The following ZFHX3 variants were observed in gnomAD, a reference collection of about 807,000 sequenced individuals.
The protein encoded by ZFHX3 is zinc finger homeobox protein 3.
A neutral mutation model predicts 279.1 loss-of-function variants in ZFHX3; 42 were observed. That is an observed-to-expected ratio of 0.15 (90% CI 0.12 to 0.19). The LOEUF is 0.19. Ranked by LOEUF, ZFHX3 falls within the 10% of genes least tolerant of loss-of-function variation. The pLI, the probability that ZFHX3 is intolerant of heterozygous loss-of-function variation, is 1.00. For missense variants in ZFHX3, 4,981 were observed against 4,754.0 expected (o/e 1.05, Z -1.40); for synonymous variants, 2,293 against 1,957.8 (o/e 1.17, Z -4.52).
At chr16:73,715,459 C>T (rs918794420) in intron 1 of ZFHX3, among the ~76,000 whole-genome samples, 19 of 151,610 alleles carry the variant, frequency 1.3e-4, no homozygotes, top group Admixed American at 3.9e-4. Flanking sequence ...AACTTCCTCA[C>T]AACCTGTGAG....
chr16:73,199,578 C>T (rs550181252), intron 5 of ZFHX3, among the ~76,000 whole-genome samples: 13 of 152,340 alleles, frequency 8.5e-5, no homozygotes, highest in South Asian at 2.1e-4. Context: ...GATTTTTCAA[C>T]GCCTCTCTGC....
intron 2 of ZFHX3, among the ~76,000 whole-genome samples, chr16:73,484,934 T>C (rs1188198810): frequency 1.3e-5 from 2 of 151,740 alleles, no homozygotes; most frequent in Admixed American, 1.3e-4. Context: ...TACTACCACA[T>C]ACTCGCCTTT....
chr16:73,508,144 A>C (rs2019360371), intron 2 of ZFHX3, among the ~76,000 whole-genome samples: 2 of 152,164 alleles, frequency 1.3e-5, no homozygotes, highest in South Asian at 4.1e-4. Flanking sequence ...AGGTTAGTGA[A>C]TTTGTTCTGC....
chr16:73,122,389 T>C (rs1205387387), intron 7 of ZFHX3, among the ~76,000 whole-genome samples: 1 of 151,366 alleles, frequency 6.6e-6, no homozygotes, highest in Non-Finnish European at 1.5e-5. Flanking sequence ...TTTTTTTTAG[T>C]AGAGACAGGG....
chr16:73,072,844 C>G (rs1965841698), intron 8 of ZFHX3, among the ~76,000 whole-genome samples: 1 of 151,862 alleles, frequency 6.6e-6, no homozygotes, highest in Non-Finnish European at 1.5e-5. Flanking sequence ...GCTGGGATTA[C>G]CGGCATGAGC....
chr16:73,887,848 A>G (rs1199784591), intron 1 of ZFHX3, among the ~76,000 whole-genome samples: 3 of 151,984 alleles, frequency 2.0e-5, no homozygotes, highest in Non-Finnish European at 4.4e-5. Context: ...AACACTTAAA[A>G]TCTGAATTTT....
intron 8 of ZFHX3, among the ~76,000 whole-genome samples, chr16:73,082,470 C>T (rs1320804485): frequency 1.3e-5 from 2 of 151,890 alleles, no homozygotes; most frequent in Non-Finnish European, 2.9e-5. Context: ...GGGGTTTCAC[C>T]GTGTTAGCCA....
intron 7 of ZFHX3, among the ~76,000 whole-genome samples, chr16:73,103,382 C>A (rs567601028): frequency 6.6e-6 from 1 of 152,140 alleles, no homozygotes; most frequent in Non-Finnish European, 1.5e-5. Context: ...CTTCCTTCAA[C>A]AAGTCCTGTG....
intron 8 of ZFHX3, among the ~76,000 whole-genome samples, chr16:73,090,103 T>C (rs1250234593): frequency 2.6e-5 from 4 of 152,148 alleles, no homozygotes; most frequent in Non-Finnish European, 4.4e-5. Context: ...ATTTAAACTA[T>C]ATCTGTGGGG....
chr16:73,447,650 T>G (rs1054817666), intron 3 of ZFHX3, among the ~76,000 whole-genome samples: 6 of 152,098 alleles, frequency 3.9e-5, no homozygotes, highest in Non-Finnish European at 7.4e-5. Context: ...CTCTTCCCAC[T>G]AAAGACCCAA....
intron 7 of ZFHX3, chr16:73,125,330 C>G (rs1966551590): frequency 6.6e-6 from 1 of 150,630 alleles, no homozygotes; most frequent in Non-Finnish European, 1.5e-5. Flanking sequence ...TGTGCAGGTA[C>G]CATTCTGGAT....
At chr16:73,558,545 T>A (rs2020320787) in intron 2 of ZFHX3, 1 of 151,848 alleles carries the variant, frequency 6.6e-6, no homozygotes, top group African/African-American at 2.4e-5. Context: ...GGGGGACAAG[T>A]CGATTAAACA....
At chr16:73,408,228 A>G (rs1330250936) in intron 3 of ZFHX3, among the ~76,000 whole-genome samples, 1 of 152,106 alleles carries the variant, frequency 6.6e-6, no homozygotes, top group Non-Finnish European at 1.5e-5. Flanking sequence ...CACAGGAGAA[A>G]GAAAAGTCTA....
chr16:73,029,755 G>A lies in ZFHX3; in HGVS notation c.-50+17997C>T, dbSNP rs1017544696. Among the ~76,000 whole-genome samples, 3 of 152,204 alleles carry A rather than the reference G, an allele frequency of 2.0e-5. No homozygotes were observed. The South Asian group carries it at 6.2e-4, about 32-fold the overall frequency. On this transcript the variant is annotated intron_variant, in intron 1 of 9. Transcript: ENST00000268489. ...GCGTGGACATCTTTAGGTGGCTGTTGTCATTACTCAACTTCATGCCAACGA... is the reference window on the plus strand; with the variant it reads ...GCGTGGACATCTTTAGGTGGCTGTTATCATTACTCAACTTCATGCCAACGA...
intron 1 of ZFHX3, among the ~76,000 whole-genome samples, chr16:73,024,428 C>T (rs1385832551): frequency 1.3e-5 from 2 of 152,144 alleles, no homozygotes; most frequent in Admixed American, 1.3e-4. Context: ...GGAGGCACCA[C>T]CCATGAAGAC....
intron 1 of ZFHX3, among the ~76,000 whole-genome samples, chr16:73,841,929 TCACAGTCAG>T (rs957636859): frequency 7.3e-4 from 108 of 147,920 alleles, no homozygotes; most frequent in African/African-American, 2.8e-3. Flanking sequence ...AAAACAATGA[TCACAGTCAG>T]GTGCGGTGGC....
At chr16:72,920,007 C>T (rs997639009) in intron 3 of ZFHX3, among the ~76,000 whole-genome samples, 4 of 151,502 alleles carry the variant, frequency 2.6e-5, no homozygotes, top group Non-Finnish European at 5.9e-5. Flanking sequence ...GTTGACCAGG[C>T]TGGTCTCAAA....
chr16:73,588,594 G>A (rs1247088231), intron 2 of ZFHX3, among the ~76,000 whole-genome samples: 1 of 151,812 alleles, frequency 6.6e-6, no homozygotes, highest in African/African-American at 2.4e-5. Flanking sequence ...GGAGGCTGAG[G>A]CAGGAGAATA....
intron 5 of ZFHX3, among the ~76,000 whole-genome samples, chr16:73,224,333 A>G (rs1248305929): frequency 2.0e-5 from 3 of 152,242 alleles, no homozygotes; most frequent in African/African-American, 7.2e-5. Flanking sequence ...GTGAGCCTAC[A>G]CTGCTCGAAA....
Sources: allele counts gnomAD v4.1 joint callset (sites outside exome capture counted in the v4.1 genomes callset), GRCh38; gene constraint gnomAD v4.1.1; transcripts MANE v1.5; gene names NCBI Gene and HGNC (gene_info 2026-07-23, HGNC 2026-07-21).